Variants in CDH18 observed in about 807,000 individuals in gnomAD.
CDH18 encodes cadherin 18.
A neutral mutation model predicts 67.9 loss-of-function variants in CDH18; 31 were observed. That is an observed-to-expected ratio of 0.46 (90% CI 0.34 to 0.62). The LOEUF (loss-of-function observed/expected upper bound fraction) is 0.62. Ranked by LOEUF, CDH18 falls within the 20% of genes least tolerant of loss-of-function variation. CDH18 has a pLI of 0.01. For missense variants in CDH18, 890 were observed against 975.5 expected (o/e 0.91, Z 1.17); for synonymous variants, 362 against 347.2 (o/e 1.04, Z -0.48).
chr5:20,263,188 C>T (rs1304940960), intron 1 of CDH18, among the ~76,000 whole-genome samples: 5 of 152,158 alleles, frequency 3.3e-5, no homozygotes, highest in Admixed American at 1.3e-4. Flanking sequence ...AGCTCTAATA[C>T]TGTGTTATGA....
At chr5:20,020,542 C>T (rs1738321908) in intron 2 of CDH18, among the ~76,000 whole-genome samples, 1 of 152,166 alleles carries the variant, frequency 6.6e-6, no homozygotes, top group Non-Finnish European at 1.5e-5. Flanking sequence ...CCAGCTGCTC[C>T]AGCTCCAGCC....
intron 1 of CDH18, among the ~76,000 whole-genome samples, chr5:20,443,475 C>T (rs1749783665): frequency 6.6e-6 from 1 of 151,650 alleles, no homozygotes; most frequent in Non-Finnish European, 1.5e-5. Flanking sequence ...GTAATATTTC[C>T]TAGGACCATC....
intron 3 of CDH18, among the ~76,000 whole-genome samples, chr5:19,801,094 A>G (rs1226807951): frequency 6.6e-6 from 1 of 152,206 alleles, no homozygotes. Context: ...CCTGGGCAAC[A>G]AAATGACACT....
chr5:20,305,000 A>C, intron 1 of CDH18: 1 of 1,613,838 alleles, frequency 6.2e-7, no homozygotes, highest in Non-Finnish European at 8.5e-7. Flanking sequence ...TTTCTGACAC[A>C]AGCTTTACTG....
chr5:20,491,977 ATGTTT>A (rs1388824665), intron 1 of CDH18, among the ~76,000 whole-genome samples: 1 of 152,024 alleles, frequency 6.6e-6, no homozygotes, highest in African/African-American at 2.4e-5. Flanking sequence ...TTTTAATAAT[ATGTTT>A]TATTTTATTC....
chr5:19,606,130 G>A (rs1366062936), intron 6 of CDH18, among the ~76,000 whole-genome samples: 1 of 151,266 alleles, frequency 6.6e-6, no homozygotes, highest in Non-Finnish European at 1.5e-5. Context: ...GCTACTTCCC[G>A]GAAGTAAGGA....
chr5:20,411,541 T>C (rs570017532), intron 1 of CDH18, among the ~76,000 whole-genome samples: 71 of 151,832 alleles, frequency 4.7e-4, no homozygotes, highest in Non-Finnish European at 8.8e-4. Context: ...TGGCAACGAA[T>C]CCATGGATTT....
chr5:19,982,091 TA>T (rs1257753213), intron 1 of CDH18, among the ~76,000 whole-genome samples: 1 of 152,214 alleles, frequency 6.6e-6, no homozygotes, highest in African/African-American at 2.4e-5. Context: ...ATTTTTGCTT[TA>T]AAAAATTTCT....
Position 19,683,173 on chromosome 5 carries a change from C to T in CDH18, c.643+38174G>A, listed in dbSNP as rs546312134. ...TTGTGTTCTGCAAGTGATCAACAGACCTCTGTGCAAATAGGAAACAAAGCC... is the reference window on the plus strand; with the variant it reads ...TTGTGTTCTGCAAGTGATCAACAGATCTCTGTGCAAATAGGAAACAAAGCC... On this transcript the variant is annotated intron_variant, in intron 5 of 12. Transcript: ENST00000382275. Among the ~76,000 whole-genome samples the T allele has an allele frequency of 5.9e-5, 9 of 152,008 alleles. No homozygotes were observed. In the East Asian group the frequency reaches 1.7e-3, roughly 29 times the overall value.
chr5:20,281,670 A>G (rs1746288133), intron 1 of CDH18, among the ~76,000 whole-genome samples: 1 of 152,194 alleles, frequency 6.6e-6, no homozygotes, highest in Admixed American at 6.5e-5. Flanking sequence ...CTTTTAGCTT[A>G]GGATTGACTT....
intron 2 of CDH18, among the ~76,000 whole-genome samples, chr5:20,053,339 C>T (rs903941874): frequency 1.3e-5 from 2 of 151,562 alleles, no homozygotes; most frequent in Non-Finnish European, 2.9e-5. Flanking sequence ...ACAAAGGTCA[C>T]TCTTTAGGTT....
At chr5:20,039,527 C>T (rs1011912679) in intron 2 of CDH18, among the ~76,000 whole-genome samples, 3 of 151,948 alleles carry the variant, frequency 2.0e-5, no homozygotes, top group African/African-American at 7.3e-5. Flanking sequence ...CAACAGAGGC[C>T]TCAGAAATAA....
chr5:19,968,263 TGC>T (rs550258901), intron 2 of CDH18, among the ~76,000 whole-genome samples: 3,683 of 152,186 alleles, frequency 0.024, 116 homozygotes, highest in African/African-American at 0.081. Flanking sequence ...ATGGCCATAC[TGC>T]CCAAGGTAAT....
At chr5:20,128,300 A>G (rs1396085508) in intron 2 of CDH18, among the ~76,000 whole-genome samples, 1 of 152,084 alleles carries the variant, frequency 6.6e-6, no homozygotes, top group East Asian at 1.9e-4. Flanking sequence ...ACAATACACA[A>G]AGATATGGTG....
chr5:20,504,544 A>C (rs984598807), intron 1 of CDH18, among the ~76,000 whole-genome samples: 1 of 152,308 alleles, frequency 6.6e-6, no homozygotes, highest in African/African-American at 2.4e-5. Context: ...CAATCTAGAA[A>C]TATAGAAACT....
intron 1 of CDH18, among the ~76,000 whole-genome samples, chr5:20,461,736 T>A (rs1196158404): frequency 4.6e-5 from 7 of 152,160 alleles, no homozygotes; most frequent in Non-Finnish European, 1.0e-4. Flanking sequence ...TATGTATACA[T>A]TTATGCTCAG....
chr5:19,565,456 C>A (rs1740210339), intron 8 of CDH18, among the ~76,000 whole-genome samples: 1 of 152,186 alleles, frequency 6.6e-6, no homozygotes, highest in African/African-American at 2.4e-5. Flanking sequence ...ACAGCAGTAC[C>A]TCCACAAGTC....
At chr5:20,384,850 A>AT (rs1744187757) in intron 1 of CDH18, among the ~76,000 whole-genome samples, 1 of 151,922 alleles carries the variant, frequency 6.6e-6, no homozygotes, top group Non-Finnish European at 1.5e-5. Context: ...TTATTCATTT[A>AT]TTTTGAGTTG....
chr5:20,151,146 C>G (rs1025166609), intron 2 of CDH18, among the ~76,000 whole-genome samples: 3 of 151,968 alleles, frequency 2.0e-5, no homozygotes, highest in East Asian at 1.9e-4. Context: ...ATTCATACCC[C>G]CCTTTCTCTC....
Sources: allele counts gnomAD v4.1 joint callset (sites outside exome capture counted in the v4.1 genomes callset), GRCh38; gene constraint gnomAD v4.1.1; transcripts MANE v1.5; gene names NCBI Gene and HGNC (gene_info 2026-07-23, HGNC 2026-07-21).